Variants in FAM110B observed in about 807,000 individuals in gnomAD.
The protein encoded by FAM110B is protein FAM110B.
Under a neutral mutation model 20.4 loss-of-function variants are expected in FAM110B, and 6 were observed. That is an observed-to-expected ratio of 0.29 (90% CI 0.16 to 0.58). The LOEUF (loss-of-function observed/expected upper bound fraction) is 0.58, where lower values mean the gene tolerates loss of function less well. Ranked by LOEUF, FAM110B falls within the 20% of genes least tolerant of loss-of-function variation. The pLI, the probability that FAM110B is intolerant of heterozygous loss-of-function variation, is 0.90. For missense variants in FAM110B, 434 were observed against 498.2 expected, an observed-to-expected ratio of 0.87 and a Z score of 1.23; for synonymous variants, 226 against 214.1, an observed-to-expected ratio of 1.06 and a Z score of -0.49.
intron 2 of FAM110B, among the ~76,000 whole-genome samples, chr8:58,045,243 A>C (rs1369880681): frequency 6.6e-6 from 1 of 152,156 alleles, no homozygotes; most frequent in East Asian, 1.9e-4. Context: ...AGCAGTCATC[A>C]GGGCTGTGGC....
At chr8:58,058,475 T>C (rs1805592309) in intron 2 of FAM110B, among the ~76,000 whole-genome samples, 1 of 152,168 alleles carries the variant, frequency 6.6e-6, no homozygotes, top group South Asian at 2.1e-4. Context: ...AAATACTAGT[T>C]GAAAACATAA....
rs58047108 is a variant in FAM110B at position 58,075,273 on chromosome 8, T to TGTGTGTGTGTGTGTG, written c.-413-262_-413-261insGTGTGTGTGTGTGTG. 9.2e-4 allele frequency among the ~76,000 whole-genome samples: 133 copies of TGTGTGTGTGTGTGTG among 145,068 alleles called. 1 individual carries two copies. The highest frequency in any genetic ancestry group is 3.5e-3 in the Middle Eastern group (1 of 288). ...TGAACTAATTTTTGCTTTTTTTTTT[T>TGTGTGTGTGTGTGTG]TTTGTGTGTGTGTGTGTGTGTGTTT... On this transcript the variant is annotated intron_variant, in intron 2 of 3. Coordinates refer to ENST00000519262, the MANE Select transcript of FAM110B (RefSeq NM_001377989.1).
At chr8:58,082,593 T>C (rs994450711) in intron 3 of FAM110B, among the ~76,000 whole-genome samples, 6 of 152,196 alleles carry the variant, frequency 3.9e-5, no homozygotes, top group Non-Finnish European at 7.3e-5. Flanking sequence ...CTCTCTCTAA[T>C]AGACTATAAG....
intron 3 of FAM110B, among the ~76,000 whole-genome samples, chr8:58,132,437 C>T (rs1189903337): frequency 1.3e-5 from 2 of 152,004 alleles, no homozygotes; most frequent in Admixed American, 6.6e-5. Context: ...AGGTCTGGCC[C>T]CTCTTCAGTC....
chr8:58,027,198 G>A (rs1804870217), intron 1 of FAM110B, among the ~76,000 whole-genome samples: 1 of 152,152 alleles, frequency 6.6e-6, no homozygotes, highest in African/African-American at 2.4e-5. Flanking sequence ...GAAATCTATT[G>A]TAAGGTCACA....
chr8:58,050,374 T>A (rs56283627), intron 2 of FAM110B, among the ~76,000 whole-genome samples: 5,124 of 152,280 alleles, frequency 0.034, 294 homozygotes, highest in African/African-American at 0.11. Context: ...TACCCATTTC[T>A]TAGCTCAGTG....
chr8:58,103,454 A>G (rs1806835463), intron 3 of FAM110B, among the ~76,000 whole-genome samples: 1 of 152,004 alleles, frequency 6.6e-6, no homozygotes, highest in African/African-American at 2.4e-5. Context: ...TAGTTTACTG[A>G]GAATGATGAT....
At chr8:58,012,549 T>A (rs1304626286) in intron 1 of FAM110B, among the ~76,000 whole-genome samples, 1 of 152,184 alleles carries the variant, frequency 6.6e-6, no homozygotes, top group African/African-American at 2.4e-5. Flanking sequence ...GAAAAAAAAT[T>A]AAGAATGATT....
intron 2 of FAM110B, among the ~76,000 whole-genome samples, chr8:58,037,902 A>G (rs4524775): frequency 0.2 from 30,107 of 151,948 alleles, 4,317 homozygotes; most frequent in African/African-American, 0.4. Flanking sequence ...TTCCCCCACT[A>G]CAGTTAACGC....
At chr8:58,033,929 A>G (rs1486987906) in intron 2 of FAM110B, among the ~76,000 whole-genome samples, 1 of 151,422 alleles carries the variant, frequency 6.6e-6, no homozygotes, top group Non-Finnish European at 1.5e-5. Flanking sequence ...CCCTCCTACT[A>G]CCTTTCCCTG....
At chr8:58,016,025 A>G (rs1453092695) in intron 1 of FAM110B, among the ~76,000 whole-genome samples, 1 of 152,140 alleles carries the variant, frequency 6.6e-6, no homozygotes, top group Non-Finnish European at 1.5e-5. Context: ...TATATATTTG[A>G]CCCATTTAAT....
rs1306306463 is a variant in FAM110B, at chr8:58,146,184, C to T, written c.-47C>T. ...TGTGTCTATTCAGGCCTTGCGGAGG[C>T]GCCCAGAAGAGCATCCAACACGGCT... On this transcript the variant is annotated 5_prime_UTR_variant, in exon 4 of 4. Transcript: ENST00000519262. 26 of 1,538,810 alleles carry T rather than the reference C, an allele frequency of 1.7e-5. No individual in the cohort carries two copies. The highest frequency in any genetic ancestry group is 7.9e-5 in the Admixed American group (4 of 50,536).
chr8:58,114,032 AC>A (rs1426400251), intron 3 of FAM110B, among the ~76,000 whole-genome samples: 5 of 152,318 alleles, frequency 3.3e-5, no homozygotes, highest in Admixed American at 2.6e-4. Flanking sequence ...TGTCATCTGC[AC>A]ATTTGATAGG....
chr8:58,122,574 AT>A (rs1807390969), intron 3 of FAM110B, among the ~76,000 whole-genome samples: 2 of 152,192 alleles, frequency 1.3e-5, no homozygotes, highest in South Asian at 4.2e-4. Flanking sequence ...GAATCTTTAA[AT>A]TTTAAGTATA....
intron 3 of FAM110B, among the ~76,000 whole-genome samples, chr8:58,139,698 TG>T (rs1430485055): frequency 6.6e-6 from 1 of 151,946 alleles, no homozygotes; most frequent in African/African-American, 2.4e-5. Context: ...GAGGCCGAGG[TG>T]GGTGGATCAT....
chr8:58,037,932 T>C (rs1236965638), intron 2 of FAM110B, among the ~76,000 whole-genome samples: 1 of 152,206 alleles, frequency 6.6e-6, no homozygotes, highest in African/African-American at 2.4e-5. Flanking sequence ...GAGGCTACTT[T>C]CTTTGTTTGG....
intron 3 of FAM110B, among the ~76,000 whole-genome samples, chr8:58,126,503 C>T (rs528294745): frequency 8.5e-5 from 13 of 152,286 alleles, no homozygotes; most frequent in East Asian, 1.9e-4. Context: ...TACACTATTA[C>T]ATTCCTACTA....
At chr8:58,028,584 T>C (rs1403197067) in intron 1 of FAM110B, among the ~76,000 whole-genome samples, 1 of 152,162 alleles carries the variant, frequency 6.6e-6, no homozygotes, top group Non-Finnish European at 1.5e-5. Context: ...TTGTCCTTTT[T>C]CCCCCCTTAA....
At chr8:58,103,057 A>T (rs1490129950) in intron 3 of FAM110B, among the ~76,000 whole-genome samples, 1 of 151,672 alleles carries the variant, frequency 6.6e-6, no homozygotes, top group Non-Finnish European at 1.5e-5. Context: ...TGCAAGGCAG[A>T]ACAAACTCCT....
Sources: gnomAD v4.1 joint callset for allele counts (sites outside exome capture counted in the v4.1 genomes callset) on GRCh38, gnomAD v4.1.1 for gene constraint, MANE v1.5 for transcripts, NCBI Gene and HGNC (gene_info 2026-07-23, HGNC 2026-07-21) for gene names.